The following CSMD3 variants were observed in gnomAD, a reference collection of about 807,000 sequenced individuals.
CSMD3 encodes CUB and sushi domain-containing protein 3.
In CSMD3, 177 loss-of-function variants were observed where a neutral mutation model predicts 435.2. The ratio of observed to expected loss-of-function variants is 0.41; its 90% CI spans 0.36 to 0.46. CSMD3 has a LOEUF of 0.46. Ranked by LOEUF, CSMD3 falls within the 20% of genes least tolerant of loss-of-function variation. CSMD3 has a pLI of 0.34. For synonymous variants in CSMD3, 1,656 were observed against 1,520.5 expected (o/e 1.09, Z -2.07); for missense variants, 4,265 against 4,504.6 (o/e 0.95, Z 1.52).
At chr8:113,090,087 T>C (rs1218040184) in intron 5 of CSMD3, among the ~76,000 whole-genome samples, 1 of 152,146 alleles carries the variant, frequency 6.6e-6, no homozygotes, top group Non-Finnish European at 1.5e-5. Flanking sequence ...GTTTCGCTTT[T>C]ATGCTTTTTT....
At chr8:112,493,978 A>T (rs1175861146) in intron 30 of CSMD3, among the ~76,000 whole-genome samples, 1 of 152,106 alleles carries the variant, frequency 6.6e-6, no homozygotes, top group East Asian at 1.9e-4. Flanking sequence ...TGAGTCATGG[A>T]ATCTTTGAAA....
chr8:113,377,958 A>G (rs1313238190), intron 1 of CSMD3, among the ~76,000 whole-genome samples: 2 of 152,220 alleles, frequency 1.3e-5, no homozygotes, highest in Non-Finnish European at 2.9e-5. Flanking sequence ...AAATGGTCAT[A>G]TAAGTTTGGA....
intron 24 of CSMD3, among the ~76,000 whole-genome samples, chr8:112,567,409 G>GC (rs1268480351): frequency 1.3e-5 from 2 of 151,968 alleles, no homozygotes; most frequent in South Asian, 4.2e-4. Flanking sequence ...TTTATGTCTT[G>GC]CCCCACTAAA....
At chr8:113,058,280 A>T (rs959944294) in intron 5 of CSMD3, among the ~76,000 whole-genome samples, 1 of 151,934 alleles carries the variant, frequency 6.6e-6, no homozygotes, top group Non-Finnish European at 1.5e-5. Context: ...AGCCAGTTTG[A>T]AACATTAAGT....
At chr8:113,129,118 G>A (rs2091218411) in intron 4 of CSMD3, among the ~76,000 whole-genome samples, 1 of 152,118 alleles carries the variant, frequency 6.6e-6, no homozygotes, top group Non-Finnish European at 1.5e-5. Context: ...AATGCATAAT[G>A]AAGATTGGAT....
At chr8:113,132,054 C>A (rs2091297585) in intron 4 of CSMD3, among the ~76,000 whole-genome samples, 1 of 152,118 alleles carries the variant, frequency 6.6e-6, no homozygotes, top group Non-Finnish European at 1.5e-5. Context: ...GGGCCTATAG[C>A]CCCTTTGTTT....
intron 13 of CSMD3, among the ~76,000 whole-genome samples, chr8:112,746,287 A>G (rs570623984): frequency 1.3e-4 from 20 of 152,264 alleles, no homozygotes; most frequent in African/African-American, 4.6e-4. Flanking sequence ...TGGTGTTAGA[A>G]AAGCACTTTA....
At chr8:113,251,107 A>C (rs1190410353) in intron 3 of CSMD3, among the ~76,000 whole-genome samples, 1 of 152,134 alleles carries the variant, frequency 6.6e-6, no homozygotes, top group Non-Finnish European at 1.5e-5. Context: ...CAAAATGTGA[A>C]TAGTAATCAA....
chr8:113,307,189 G>GA (rs1459251369), intron 2 of CSMD3, among the ~76,000 whole-genome samples: 1 of 152,026 alleles, frequency 6.6e-6, no homozygotes, highest in Non-Finnish European at 1.5e-5. Context: ...GCCTTTTCTG[G>GA]AAAAAACTTA....
chr8:113,431,345 T>G (rs964633719), intron 1 of CSMD3, among the ~76,000 whole-genome samples: 22 of 152,226 alleles, frequency 1.4e-4, no homozygotes, highest in African/African-American at 5.1e-4. Context: ...AATGTACATG[T>G]AAATAAACTA....
intron 38 of CSMD3, among the ~76,000 whole-genome samples, chr8:112,355,547 G>A (rs1277163610): frequency 6.6e-6 from 1 of 152,032 alleles, no homozygotes; most frequent in Admixed American, 6.5e-5. Flanking sequence ...TTAAAAAGTG[G>A]GCAAGGCCGT....
chr8:112,650,343 G>GTT lies in CSMD3; in HGVS notation c.3010_3011insAA (p.Thr1004LysfsTer3). 6.2e-7 allele frequency: 1 copy of GTT among 1,612,560 alleles called. No individual in the cohort carries two copies. The highest frequency in any genetic ancestry group is 8.5e-7 in the Non-Finnish European group (1 of 1,178,668). On this transcript the variant is annotated frameshift_variant, in exon 19 of 71. Coordinates refer to ENST00000297405, the MANE Select transcript of CSMD3 (RefSeq NM_198123.2). LOFTEE classifies it high-confidence loss of function. ...GTCCAAACAAGAATACGTGTTCACTGTAACACCTGGAAAACAAAGGGAAGA... is the reference window on the plus strand; with the variant it reads ...GTCCAAACAAGAATACGTGTTCACTGTTTAACACCTGGAAAACAAAGGGAAGA...
intron 3 of CSMD3, among the ~76,000 whole-genome samples, chr8:113,267,295 T>G (rs1316771671): frequency 6.6e-6 from 1 of 151,744 alleles, no homozygotes; most frequent in Non-Finnish European, 1.5e-5. Flanking sequence ...AAGGAATTCC[T>G]GCACTAACAT....
intron 1 of CSMD3, among the ~76,000 whole-genome samples, chr8:113,399,466 G>C (rs953804119): frequency 3.3e-5 from 5 of 151,486 alleles, no homozygotes; most frequent in African/African-American, 1.2e-4. Flanking sequence ...TTTGCCACAA[G>C]AAGATCCCAA....
intron 5 of CSMD3, among the ~76,000 whole-genome samples, chr8:113,066,059 G>T (rs1048831090): frequency 6.8e-6 from 1 of 146,752 alleles, no homozygotes; most frequent in African/African-American, 2.5e-5. Flanking sequence ...TTTCTGAGAG[G>T]TGTGCACAAT....
chr8:112,265,346 T>A (rs1007607515), intron 60 of CSMD3, 65 bp downstream of exon 60: 1 of 1,219,734 alleles, frequency 8.2e-7, no homozygotes, highest in Non-Finnish European at 1.2e-6. Context: ...TTTAAATTTG[T>A]ATATAAAAAT....
chr8:113,034,246 T>C (rs2087244618), intron 5 of CSMD3, among the ~76,000 whole-genome samples: 1 of 151,564 alleles, frequency 6.6e-6, no homozygotes, highest in African/African-American at 2.4e-5. Flanking sequence ...TCAAAATTAT[T>C]CATAAATTTA....
At chr8:112,353,442 T>A (rs1012455557) in intron 38 of CSMD3, among the ~76,000 whole-genome samples, 10 of 152,130 alleles carry the variant, frequency 6.6e-5, no homozygotes, top group Non-Finnish European at 1.0e-4. Context: ...ACCTGAAAAG[T>A]ATTATGTGCT....
At chr8:112,592,651 C>A (rs1303663592) in intron 22 of CSMD3, among the ~76,000 whole-genome samples, 1 of 151,994 alleles carries the variant, frequency 6.6e-6, no homozygotes, top group Non-Finnish European at 1.5e-5. Context: ...TCAATTATAT[C>A]ATTTTCTGTC....
Sources: allele counts gnomAD v4.1 joint callset (sites outside exome capture counted in the v4.1 genomes callset), GRCh38; gene constraint gnomAD v4.1.1; transcripts MANE v1.5; gene names NCBI Gene and HGNC (gene_info 2026-07-23, HGNC 2026-07-21).